GTPBP10: variants seen among roughly 807,000 people sequenced by gnomAD.
The protein encoded by GTPBP10 is GTP-binding protein 10.
A neutral mutation model predicts 44.8 loss-of-function variants in GTPBP10; 38 were observed. The observed-to-expected ratio is 0.85, with a 90% CI of 0.65 to 1.11. The LOEUF is 1.11. Among genes scored for constraint, GTPBP10 ranks in the 50% most tolerant of loss-of-function variants. GTPBP10 has a pLI of 0.00. For missense variants in GTPBP10, 462 were observed against 453.7 expected (o/e 1.02, Z -0.17); for synonymous variants, 152 against 150.6 (o/e 1.01, Z -0.07).
Position 90,352,930 on chromosome 7 carries a change from C to G in GTPBP10, c.148C>G (p.Gln50Glu). The change falls in exon 2 of 10, where the codon CAG (glutamine) becomes GAG (glutamate). Residue 50 changes from glutamine to glutamate, a missense_variant. Physicochemically the swap from Gln to Glu is conservative, Grantham distance 29. Transcript: ENST00000222511. The stretch of plus-strand genomic sequence containing the variant: ...AGGTGGTGATGTCTGGGTTGTAGCC[C>G]AGAACAGAATGACTTTAAAACAACT... The part of the protein sequence containing the change: ...GKGGDVWVVA[Q>E]NRMTLKQLKD... 6.2e-7 allele frequency: 1 copy of G among 1,613,652 alleles called. No individual in the cohort carries two copies. Among genetic ancestry groups the G allele is most frequent in the Non-Finnish European group, 8.5e-7 (1 of 1,179,894 alleles).
Position 90,383,056 on chromosome 7 carries a change from T to A in GTPBP10, c.878T>A (p.Met293Lys). The change falls in exon 9 of 10, where the codon ATG becomes AAG. Residue 293 changes from methionine to lysine, a missense_variant. By Grantham distance (95) the Met-to-Lys change is moderately conservative. Transcript: ENST00000222511. ...GCCCAAGATAAGTTCCATGAATTGA[T>A]GAGCCAGCTCCAGAATCCTAAAGGT... ...PDAQDKFHEL[M>K]SQLQNPKDFL... 6.3e-7 allele frequency: 1 copy of A among 1,584,634 alleles called. No homozygotes were observed. Among genetic ancestry groups the A allele is most frequent in the South Asian group, 1.2e-5 (1 of 84,556 alleles).
intron 9 of GTPBP10, among the ~76,000 whole-genome samples, chr7:90,384,609 A>G (rs577546129): frequency 6.7e-6 from 1 of 149,188 alleles, no homozygotes; most frequent in South Asian, 2.1e-4. Flanking sequence ...CCCCACACAC[A>G]CAAAATTTAT....
In GTPBP10 at chr7:90,355,189, T is replaced by C; in HGVS notation, c.423T>C (p.Ile141=). Residue 141 remains isoleucine, a synonymous_variant, in exon 4 of 10, where the codon ATT becomes ATC. Transcript: ENST00000222511. ...FLPLKGQKRI[I]HLDLKLIADV... ...CATTGAAAGGCCAGAAACGAATAAT[T>C]CACCTTGATCTAAAACTTATAGCTG... The C allele has an allele frequency of 6.2e-7, 1 of 1,603,978 alleles. No individual in the cohort carries two copies. The highest frequency in any genetic ancestry group is 8.5e-7 in the Non-Finnish European group (1 of 1,174,404).
chr7:90,355,145 T>C lies in GTPBP10; in HGVS notation c.379T>C (p.Leu127=), dbSNP rs772243222. The C allele has an allele frequency of 1.2e-5, 19 of 1,605,406 alleles. No homozygotes were observed. The highest frequency in any genetic ancestry group is 1.7e-4 in the Middle Eastern group (1 of 5,934). ...AGCTCAAGGAGGTCTTGGTGGTAAA[T>C]TACTTACAAATTTCTTACCATTGAA... ...LVAQGGLGGK[L]LTNFLPLKGQ... Residue 127 remains leucine, a synonymous_variant, in exon 4 of 10, where the codon TTA becomes CTA. Transcript: ENST00000222511.
At chr7:90,359,749 G>C (rs2115653645) in intron 4 of GTPBP10, among the ~76,000 whole-genome samples, 1 of 152,306 alleles carries the variant, frequency 6.6e-6, no homozygotes, top group East Asian at 1.9e-4. Flanking sequence ...CTAGTTTACA[G>C]TCCCACCAAC....
chr7:90,368,715 G>T (rs184373779), intron 4 of GTPBP10, among the ~76,000 whole-genome samples: 27 of 152,272 alleles, frequency 1.8e-4, no homozygotes, highest in African/African-American at 6.0e-4. Flanking sequence ...AAGGTTTTTA[G>T]CTTCTTTGCA....
chr7:90,351,150 A>G (rs1239669400), intron 1 of GTPBP10, among the ~76,000 whole-genome samples: 1 of 152,208 alleles, frequency 6.6e-6, no homozygotes, highest in Non-Finnish European at 1.5e-5. Context: ...GTATTCCACG[A>G]TGTACTACAG....
intron 4 of GTPBP10, among the ~76,000 whole-genome samples, chr7:90,367,434 T>G (rs1796157063): frequency 1.3e-5 from 2 of 152,212 alleles, no homozygotes; most frequent in East Asian, 3.8e-4. Flanking sequence ...TGTAGCTCTC[T>G]AAGGACTTGC....
chr7:90,370,511 C>T (rs113146384), intron 4 of GTPBP10, among the ~76,000 whole-genome samples: 2,354 of 152,116 alleles, frequency 0.015, 59 homozygotes, highest in African/African-American at 0.052. Flanking sequence ...CAGAGGCATG[C>T]AGAGTGGTAT....
intron 4 of GTPBP10, among the ~76,000 whole-genome samples, chr7:90,370,791 G>C (rs750368225): frequency 3.9e-5 from 6 of 152,152 alleles, no homozygotes; most frequent in Non-Finnish European, 7.3e-5. Context: ...AGATCACGAG[G>C]TCAGGAGATT....
chr7:90,384,634 A>C (rs778794316), intron 9 of GTPBP10, among the ~76,000 whole-genome samples: 35 of 151,268 alleles, frequency 2.3e-4, no homozygotes, highest in Admixed American at 3.9e-4. Flanking sequence ...TCCTTAAGTA[A>C]GTCATTTTTG....
Position 90,372,205 on chromosome 7 carries a change from A to G in GTPBP10, c.515A>G (p.Lys172Arg). Residue 172 changes from lysine (K) to arginine (R), a missense_variant, in exon 5 of 10, where the codon AAA becomes AGA. Transcript: ENST00000222511. ...TTGCTAAGTTGTGTTTCTCATGCAA[A>G]ACCTGCAATTGCAGATTACGCATGT... ...SSLLSCVSHA[K>R]PAIADYAFTT... 1 of 1,605,618 alleles carries G rather than the reference A, an allele frequency of 6.2e-7. No individual in the cohort carries two copies. The highest frequency in any genetic ancestry group is 8.5e-7 in the Non-Finnish European group (1 of 1,175,172).
At chr7:90,366,411 CT>C (rs1225905274) in intron 4 of GTPBP10, among the ~76,000 whole-genome samples, 20 of 152,154 alleles carry the variant, frequency 1.3e-4, no homozygotes, top group Non-Finnish European at 2.5e-4. Flanking sequence ...TCGTCCTGGA[CT>C]TTTTTTGGTT....
rs137951560 is a variant in GTPBP10, at chr7:90,370,052, G to C, written c.465-2103G>C. Among the ~76,000 whole-genome samples, 5 of 152,196 alleles carry C rather than the reference G, an allele frequency of 3.3e-5. No homozygotes were observed. In the East Asian group the frequency reaches 9.7e-4, roughly 29 times the overall value. ...AGTGAGGGATGCAAAACTACCTATT[G>C]GGTACAATGTACACTGCTTGGGTGA... On this transcript the variant is annotated intron_variant, in intron 4 of 9. Coordinates refer to ENST00000222511, the MANE Select transcript of GTPBP10 (RefSeq NM_033107.4).
At chr7:90,362,599 T>C (rs1796046363) in intron 4 of GTPBP10, among the ~76,000 whole-genome samples, 1 of 152,196 alleles carries the variant, frequency 6.6e-6, no homozygotes, top group African/African-American at 2.4e-5. Context: ...CTGAGAAGAA[T>C]GTATATTCTG....
chr7:90,372,064 C>A (rs899198744), intron 4 of GTPBP10, 91 bp from the exon 5 acceptor site: 2 of 723,088 alleles, frequency 2.8e-6, no homozygotes, highest in Non-Finnish European at 4.5e-6. Context: ...TACTTTTAAT[C>A]CCAAATATAT....
chr7:90,352,965 G>A lies in GTPBP10; in HGVS notation c.183G>A (p.Arg61=). ...TGACTTTAAAACAACTTAAAGACAGGTATCCTCGGAAACGGTTTGTGGCTG... is the reference window on the plus strand; with the variant it reads ...TGACTTTAAAACAACTTAAAGACAGATATCCTCGGAAACGGTTTGTGGCTG... ...NRMTLKQLKD[R]YPRKRFVAGV... Residue 61 remains arginine (R), a synonymous_variant, in exon 2 of 10, where the codon AGG becomes AGA. Coordinates refer to ENST00000222511, the MANE Select transcript of GTPBP10 (RefSeq NM_033107.4). 3 of 1,612,524 alleles carry A rather than the reference G, an allele frequency of 1.9e-6. No homozygotes were observed. The highest frequency in any genetic ancestry group is 2.5e-6 in the Non-Finnish European group (3 of 1,179,194).
Position 90,389,348 on chromosome 7 carries a change from G to A in GTPBP10, c.*4194G>A, listed in dbSNP as rs1796576426. 6.6e-6 allele frequency: 1 copy of A among 151,868 alleles called. No homozygotes were observed. The highest frequency in any genetic ancestry group is 2.4e-5 in the African/African-American group (1 of 41,330). The allele number at this position is 151,868 out of a possible 1,614,324, so 9.4% of individuals were successfully genotyped here. On this transcript the variant is annotated 3_prime_UTR_variant, in exon 10 of 10. Coordinates refer to ENST00000222511, the MANE Select transcript of GTPBP10 (RefSeq NM_033107.4). The stretch of plus-strand genomic sequence containing the variant: ...TTAAAGTTGGATGGTGAATACATGA[G>A]TTGTTTTTTAAACTCTTTTGGGAGC...
In GTPBP10 at chr7:90,385,303, T is replaced by G; in HGVS notation, c.*149T>G. On this transcript the variant is annotated 3_prime_UTR_variant, in exon 10 of 10. Transcript: ENST00000222511. The stretch of plus-strand genomic sequence containing the variant: ...CATAATCTCACTGTGGAATCTTAAG[T>G]TGAACTCATAGAAGGAGAGAATAGA... 3 of 586,302 alleles carry G rather than the reference T, an allele frequency of 5.1e-6. No individual in the cohort carries two copies. The South Asian group carries it at 7.4e-5, about 14-fold the overall frequency. The allele number at this position is 586,302 out of a possible 1,614,324, so 36.3% of individuals were successfully genotyped here.
Sources: allele counts gnomAD v4.1 joint callset (sites outside exome capture counted in the v4.1 genomes callset), GRCh38; gene constraint gnomAD v4.1.1; transcripts MANE v1.5; gene names NCBI Gene and HGNC (gene_info 2026-07-23, HGNC 2026-07-21).